The following OR3A2 variants were observed in gnomAD, a reference collection of about 807,000 sequenced individuals.
OR3A2 encodes olfactory receptor 3A2.
For synonymous variants in OR3A2, 126 were observed against 159.3 expected (o/e 0.79, Z 1.57); for missense variants, 318 against 392.8 (o/e 0.81, Z 1.61).
intron 3 of OR3A2, among the ~76,000 whole-genome samples, chr17:3,293,177 G>A (rs2048891287): frequency 1.3e-5 from 2 of 150,882 alleles, no homozygotes; most frequent in South Asian, 4.2e-4. Flanking sequence ...GGGTGGGTAG[G>A]GGGAGGCAAT....
chr17:3,345,503 A>G (rs1017596636), intron 2 of OR3A2, among the ~76,000 whole-genome samples: 1 of 152,126 alleles, frequency 6.6e-6, no homozygotes, highest in African/African-American at 2.4e-5. Context: ...GAACAACAAA[A>G]TTATAATAAG....
intron 2 of OR3A2, among the ~76,000 whole-genome samples, chr17:3,367,970 T>C (rs980105560): frequency 1.3e-5 from 2 of 152,218 alleles, no homozygotes; most frequent in African/African-American, 4.8e-5. Context: ...GTGGTTTTGA[T>C]ATGCATTTCC....
intron 3 of OR3A2, among the ~76,000 whole-genome samples, chr17:3,324,908 T>C (rs574505944): frequency 3.9e-5 from 6 of 152,214 alleles, no homozygotes; most frequent in African/African-American, 1.4e-4. Flanking sequence ...ATGCTGCAAA[T>C]ATTTTCCTTA....
chr17:3,381,121 T>C, intron 2 of OR3A2, among the ~76,000 whole-genome samples: 1 of 152,100 alleles, frequency 6.6e-6, no homozygotes, highest in Non-Finnish European at 1.5e-5. Flanking sequence ...TGCCCATATA[T>C]TCATATATTC....
intron 3 of OR3A2, among the ~76,000 whole-genome samples, chr17:3,326,332 A>G (rs900466261): frequency 6.6e-6 from 1 of 152,048 alleles, no homozygotes; most frequent in African/African-American, 2.4e-5. Context: ...GGTCAAATGT[A>G]AAACCCCAAA....
chr17:3,341,194 C>A (rs1300271841), intron 2 of OR3A2, among the ~76,000 whole-genome samples: 4 of 152,182 alleles, frequency 2.6e-5, no homozygotes, highest in African/African-American at 9.7e-5. Context: ...GAATACAGCA[C>A]ACTGATGGGT....
chr17:3,325,020 T>G (rs937242903), intron 3 of OR3A2, among the ~76,000 whole-genome samples: 1 of 152,108 alleles, frequency 6.6e-6, no homozygotes, highest in Non-Finnish European at 1.5e-5. Flanking sequence ...TTTGCTGTTA[T>G]GCTTGAAACT....
intron 3 of OR3A2, among the ~76,000 whole-genome samples, chr17:3,301,327 AT>A (rs1442705715): frequency 1.3e-5 from 2 of 152,074 alleles, no homozygotes; most frequent in Non-Finnish European, 2.9e-5. Flanking sequence ...AAGTGTTCCT[AT>A]TTCTTCACAT....
At chr17:3,368,570 C>A (rs933962975) in intron 2 of OR3A2, among the ~76,000 whole-genome samples, 11 of 152,062 alleles carry the variant, frequency 7.2e-5, no homozygotes, top group African/African-American at 1.9e-4. Context: ...TTTCTGGGTT[C>A]TCTTTTATGT....
At chr17:3,344,199 G>A (rs1025833084) in intron 2 of OR3A2, among the ~76,000 whole-genome samples, 4 of 152,140 alleles carry the variant, frequency 2.6e-5, no homozygotes, top group Non-Finnish European at 5.9e-5. Context: ...TGACTCTTAG[G>A]TGGTTTATTT....
chr17:3,288,615 T>C (rs929148201), upstream of OR3A2, among the ~76,000 whole-genome samples: 2 of 152,216 alleles, frequency 1.3e-5, no homozygotes, highest in Admixed American at 6.5e-5. Context: ...TAATACAGTA[T>C]TTCATCTAGT....
Position 3,294,160 on chromosome 17 carries a change from G to A in OR3A2, c.-84-15007C>T, listed in dbSNP as rs200039193. ...AAAGAAAATTGTTACCCAACATTTC[G>A]GCCTCTCTAAAAATAAAATAAAAAA... On this transcript the variant is annotated intron_variant, in intron 3 of 4. Transcript: ENST00000573491. Among the ~76,000 whole-genome samples the A allele has an allele frequency of 2.2e-4, 33 of 150,762 alleles. No homozygotes were observed. In the East Asian group the frequency reaches 2.7e-3, roughly 12 times the overall value.
At chr17:3,293,020 G>A (rs2048889574) in intron 3 of OR3A2, among the ~76,000 whole-genome samples, 1 of 152,004 alleles carries the variant, frequency 6.6e-6, no homozygotes, top group Non-Finnish European at 1.5e-5. Context: ...AAAGAAACTA[G>A]TAAGTGTCCA....
At chr17:3,380,444 T>C (rs941961176) in intron 2 of OR3A2, among the ~76,000 whole-genome samples, 1 of 152,058 alleles carries the variant, frequency 6.6e-6, no homozygotes, top group Admixed American at 6.6e-5. Flanking sequence ...GGGTGTTGGG[T>C]GGAATGATAT....
chr17:3,311,060 G>C lies in OR3A2; in HGVS notation c.-85+24973C>G, dbSNP rs761623801. The C allele has an allele frequency of 1.6e-5, 9 of 545,944 alleles. No individual in the cohort carries two copies. Among genetic ancestry groups the C allele is most frequent in the African/African-American group, 1.9e-5 (1 of 52,116 alleles). 33.8% of individuals were successfully genotyped at this position (545,944 alleles called of 1,614,324 possible). ...CCACGTGTAGTTCCCACCTCACTGT[G>C]GTGGGCATCTTCTATGGGACGGGCG... On this transcript the variant is annotated intron_variant, in intron 3 of 4. Transcript: ENST00000573491. The surrounding 1 kb of genome is among the most constrained non-coding windows in gnomAD (Gnocchi z 4.6).
At chr17:3,316,885 A>T (rs9903886) in intron 3 of OR3A2, among the ~76,000 whole-genome samples, 3 of 152,246 alleles carry the variant, frequency 2.0e-5, no homozygotes, top group Admixed American at 2.0e-4. Context: ...TGGAGATCAA[A>T]GTTTTAATTC....
At chr17:3,335,770 G>C (rs1011129642) in intron 3 of OR3A2, among the ~76,000 whole-genome samples, 1 of 152,154 alleles carries the variant, frequency 6.6e-6, no homozygotes, top group Non-Finnish European at 1.5e-5. Flanking sequence ...GAAAAAGTCT[G>C]ACAGAGAACA....
intron 2 of OR3A2, among the ~76,000 whole-genome samples, chr17:3,355,378 C>G (rs1255372463): frequency 6.6e-6 from 1 of 150,998 alleles, no homozygotes; most frequent in Non-Finnish European, 1.5e-5. Context: ...AAGATCTGTC[C>G]AGCACTGAAA....
chr17:3,355,099 CAT>C (rs756181655), intron 2 of OR3A2, among the ~76,000 whole-genome samples: 2 of 151,178 alleles, frequency 1.3e-5, no homozygotes, highest in Non-Finnish European at 3.0e-5. Context: ...ATATAGTTCA[CAT>C]AGTTTCCAAA....
Sources: gnomAD v4.1 joint callset for allele counts (sites outside exome capture counted in the v4.1 genomes callset) on GRCh38, gnomAD v4.1.1 for gene constraint, Gnocchi (gnomAD v3.1) non-coding constraint, MANE v1.5 for transcripts, NCBI Gene and HGNC (gene_info 2026-07-23, HGNC 2026-07-21) for gene names.